GMEB2: variants seen among roughly 807,000 people sequenced by gnomAD.
The protein encoded by GMEB2 is glucocorticoid modulatory element-binding protein 2.
A neutral mutation model predicts 45.7 loss-of-function variants in GMEB2; 7 were observed. The ratio of observed to expected loss-of-function variants is 0.15; its 90% CI spans 0.09 to 0.29. The LOEUF is 0.29. Ranked by LOEUF, GMEB2 falls within the 10% of genes least tolerant of loss-of-function variation. The pLI, the probability that GMEB2 is intolerant of heterozygous loss-of-function variation, is 1.00. For missense variants in GMEB2, 582 were observed against 739.2 expected, an observed-to-expected ratio of 0.79 and a Z score of 2.47; for synonymous variants, 322 against 323.6, an observed-to-expected ratio of 1.00 and a Z score of 0.05.
At chr20:63,591,973 G>A (rs2083150632) in intron 9 of GMEB2, 49 bp downstream of exon 9, 3 of 1,550,632 alleles carry the variant, frequency 1.9e-6, no homozygotes, top group African/African-American at 2.7e-5. Flanking sequence ...TGGGCTCCAG[G>A]TCCTCAGCCT....
chr20:63,619,497 C>G lies in GMEB2; in HGVS notation c.-57-43G>C. On this transcript the variant is annotated intron_variant, in intron 1 of 9. Transcript: ENST00000370077. The surrounding 1 kb of genome is among the most constrained non-coding windows in gnomAD (Gnocchi z 4.6). ...GGGCACAGGGATGGAGTCATCTCCA[C>G]ATCCACACAACATAGCACTCACAAA... 1 of 1,223,224 alleles carries G rather than the reference C, an allele frequency of 8.2e-7. No individual in the cohort carries two copies. The highest frequency in any genetic ancestry group is 1.4e-5 in the South Asian group (1 of 73,216). 75.8% of individuals were successfully genotyped at this position (1,223,224 alleles called of 1,614,324 possible).
chr20:63,626,230 A>G (rs79662382), intron 1 of GMEB2, among the ~76,000 whole-genome samples: 14 of 146,758 alleles, frequency 9.5e-5, no homozygotes, highest in East Asian at 4.1e-4. Flanking sequence ...CAGTGGGGTG[A>G]TCCCTGCGGG....
intron 1 of GMEB2, among the ~76,000 whole-genome samples, chr20:63,624,124 T>A (rs1451196366): frequency 7.5e-6 from 1 of 133,228 alleles, no homozygotes; most frequent in Non-Finnish European, 1.6e-5. Context: ...AAAAAAAAAA[T>A]TCAAAAATTT....
chr20:63,610,288 G>A (rs1158896173), intron 2 of GMEB2, among the ~76,000 whole-genome samples: 2 of 152,198 alleles, frequency 1.3e-5, no homozygotes, highest in East Asian at 1.9e-4. Flanking sequence ...TTGGGAGGCC[G>A]AGGCAGGCGG....
chr20:63,619,580 CA>C lies in GMEB2; in HGVS notation c.-57-127del. The C allele has an allele frequency of 3.8e-6, 2 of 520,330 alleles. No homozygotes were observed. The highest frequency in any genetic ancestry group is 3.6e-5 in the Admixed American group (1 of 27,628). The allele number at this position is 520,330 out of a possible 1,614,324, so 32.2% of individuals were successfully genotyped here. On this transcript the variant is annotated intron_variant, in intron 1 of 9. Coordinates refer to ENST00000370077, the MANE Select transcript of GMEB2 (RefSeq NM_012384.5). The surrounding 1 kb of genome is among the most constrained non-coding windows in gnomAD (Gnocchi z 4.6). The stretch of plus-strand genomic sequence containing the variant: ...TGAGTCCCAGACTGCTACCTCCTGA[CA>C]AAAACGAGCGGCAACAGAAGGGCTA...
In GMEB2 at chr20:63,593,018, G is replaced by A; in HGVS notation, c.684C>T (p.Ala228=). ...TCEDPGDWTA[A]IGDDTFTFWR... ...CAAGGAGGAACCTCGTACCTCCAATGGCCGCGGTCCAGTCGCCAGGGTCTT... is the reference window on the plus strand; with the variant it reads ...CAAGGAGGAACCTCGTACCTCCAATAGCCGCGGTCCAGTCGCCAGGGTCTT... Residue 228 remains alanine, a synonymous_variant, in exon 7 of 10, where the codon GCC becomes GCT. Transcript: ENST00000370077. The surrounding 1 kb of genome is among the most constrained non-coding windows in gnomAD (Gnocchi z 4.7). 6.2e-7 allele frequency: 1 copy of A among 1,607,404 alleles called. No individual in the cohort carries two copies. The highest frequency in any genetic ancestry group is 8.5e-7 in the Non-Finnish European group (1 of 1,175,266).
At chr20:63,609,064 C>CTT (rs2089545613) in intron 2 of GMEB2, among the ~76,000 whole-genome samples, 1 of 44,718 alleles carries the variant, frequency 2.2e-5, no homozygotes, top group African/African-American at 7.9e-5. Flanking sequence ...GAAACATGCC[C>CTT]CTGACCCCAC....
At chr20:63,606,136 G>A (rs1273315005) in intron 2 of GMEB2, among the ~76,000 whole-genome samples, 4 of 151,988 alleles carry the variant, frequency 2.6e-5, no homozygotes, top group Non-Finnish European at 5.9e-5. Flanking sequence ...AGTCACTATG[G>A]CCCAACCTCA....
chr20:63,591,712 G>A (rs184031377), intron 9 of GMEB2, among the ~76,000 whole-genome samples: 1 of 152,288 alleles, frequency 6.6e-6, no homozygotes, highest in Admixed American at 6.5e-5. Flanking sequence ...TGATCCGCCC[G>A]CCTCGGCCTC....
chr20:63,590,461 G>T lies in GMEB2; in HGVS notation c.1221C>A (p.Ser407=). 6.6e-7 allele frequency: 1 copy of T among 1,517,432 alleles called. No homozygotes were observed. Among genetic ancestry groups the T allele is most frequent in the Non-Finnish European group, 8.9e-7 (1 of 1,126,632 alleles). The allele number at this position is 1,517,432 out of a possible 1,614,324, so 94.0% of individuals were successfully genotyped here. ...GAAGGGAACCCTTGCCCAGGACGGTGGACGGCAGGGTGGACACCACTTTAC... is the reference window on the plus strand; with the variant it reads ...GAAGGGAACCCTTGCCCAGGACGGTTGACGGCAGGGTGGACACCACTTTAC... ...PLGKVVSTLP[S]TVLGKGSLQA... Residue 407 remains serine, a synonymous_variant, in exon 10 of 10, where the codon TCC becomes TCA. Coordinates refer to ENST00000370077, the MANE Select transcript of GMEB2 (RefSeq NM_012384.5).
chr20:63,603,008 C>G lies in GMEB2; in HGVS notation c.314G>C (p.Trp105Ser). ...GATGCCGGGACACACAAACTTCCTC[C>G]AGATGAGGTTGGCTCTGCTGTCTCC... ...TCGDSRANLI[W>S]RKFVCPGINV... The change falls in exon 4 of 10, where the codon TGG (tryptophan) becomes TCG (serine). Residue 105 changes from tryptophan to serine, a missense_variant. Transcript: ENST00000370077. The G allele has an allele frequency of 6.2e-7, 1 of 1,614,130 alleles. No homozygotes were observed. Among genetic ancestry groups the G allele is most frequent in the Non-Finnish European group, 8.5e-7 (1 of 1,179,972 alleles).
rs542306951 is a variant in GMEB2 at position 63,617,469 on chromosome 20, G to A, written c.131+1798C>T. 1.4e-4 allele frequency among the ~76,000 whole-genome samples: 22 copies of A among 152,286 alleles called. No homozygotes were observed. In the East Asian group the frequency reaches 3.7e-3, roughly 25 times the overall value. ...AATAACTCTCTGCTGTTCAGGCCAC[G>A]CGGTCTACGGCAGCCCGAGCAGACT... On this transcript the variant is annotated intron_variant, in intron 2 of 9. Coordinates refer to ENST00000370077, the MANE Select transcript of GMEB2 (RefSeq NM_012384.5).
In GMEB2 at chr20:63,588,081, C is replaced by T. The variant is rs2083109854; in HGVS notation, c.*2008G>A. ...TTGGGAAGCACTGGGAATGGGCTCC[C>T]AGCCCTGGTGGAATGGGGGATTGGG... On this transcript the variant is annotated 3_prime_UTR_variant, in exon 10 of 10. Coordinates refer to ENST00000370077, the MANE Select transcript of GMEB2 (RefSeq NM_012384.5). The T allele has an allele frequency of 6.6e-6, 1 of 152,424 alleles. No individual in the cohort carries two copies. Among genetic ancestry groups the T allele is most frequent in the African/African-American group, 2.4e-5 (1 of 41,470 alleles). 9.4% of individuals were successfully genotyped at this position (152,424 alleles called of 1,614,324 possible).
At chr20:63,624,974 G>A (rs1431583148) in intron 1 of GMEB2, among the ~76,000 whole-genome samples, 3 of 152,138 alleles carry the variant, frequency 2.0e-5, no homozygotes, top group Non-Finnish European at 4.4e-5. Context: ...CCAAAGTGCT[G>A]GGATTACAGG....
intron 2 of GMEB2, among the ~76,000 whole-genome samples, chr20:63,610,611 A>T (rs1276324019): frequency 6.6e-6 from 1 of 152,224 alleles, no homozygotes; most frequent in East Asian, 1.9e-4. Flanking sequence ...CCCACAAAAA[A>T]GAAGAGGATC....
intron 2 of GMEB2, among the ~76,000 whole-genome samples, chr20:63,612,408 G>A (rs76863963): frequency 0.055 from 8,322 of 152,220 alleles, 338 homozygotes; most frequent in Non-Finnish European, 0.075. Flanking sequence ...ACCAGTCTCT[G>A]GATCAAGACG....
At chr20:63,614,655 AC>A (rs1247926304) in intron 2 of GMEB2, among the ~76,000 whole-genome samples, 2 of 152,138 alleles carry the variant, frequency 1.3e-5, no homozygotes, top group African/African-American at 4.8e-5. Flanking sequence ...TTCAGTGGTC[AC>A]GCTCCTAGTC....
intron 4 of GMEB2, among the ~76,000 whole-genome samples, chr20:63,600,884 A>C (rs535617235): frequency 2.6e-5 from 4 of 152,218 alleles, no homozygotes; most frequent in East Asian, 1.9e-4. Flanking sequence ...TGTTGGAAGA[A>C]CACCACAGAC....
chr20:63,618,536 C>T (rs1036676164), intron 2 of GMEB2, among the ~76,000 whole-genome samples: 2 of 152,306 alleles, frequency 1.3e-5, no homozygotes, highest in South Asian at 4.1e-4. Context: ...AGTCTAGAGT[C>T]GTCCTCTGTC....
Sources: gnomAD v4.1 joint callset for allele counts (sites outside exome capture counted in the v4.1 genomes callset) on GRCh38, gnomAD v4.1.1 for gene constraint, Gnocchi (gnomAD v3.1) non-coding constraint, MANE v1.5 for transcripts, NCBI Gene and HGNC (gene_info 2026-07-23, HGNC 2026-07-21) for gene names.